The following TEX9 variants were observed in gnomAD, a reference collection of about 807,000 sequenced individuals.
The protein encoded by TEX9 is testis expressed 9, also known as testis-expressed protein 9.
Under a neutral mutation model 59.6 loss-of-function variants are expected in TEX9, and 74 were observed. The ratio of observed to expected loss-of-function variants is 1.24; its 90% confidence interval spans 1.03 to 1.51. The LOEUF (loss-of-function observed/expected upper bound fraction) is 1.51. TEX9 is among the 40% of genes most tolerant of loss of function. The pLI is 0.00. For missense variants in TEX9, 522 were observed against 447.8 expected (o/e 1.17, Z -1.49); for synonymous variants, 186 against 152.2 (o/e 1.22, Z -1.64).
At chr15:56,367,153 A>T (rs1484313681) in intron 2 of TEX9, among the ~76,000 whole-genome samples, 1 of 152,140 alleles carries the variant, frequency 6.6e-6, no homozygotes, top group African/African-American at 2.4e-5. Flanking sequence ...GTATTCTAGC[A>T]CGAGTTACTT....
intron 9 of TEX9, among the ~76,000 whole-genome samples, chr15:56,411,169 C>T (rs1387259426): frequency 6.6e-6 from 1 of 152,070 alleles, no homozygotes; most frequent in Non-Finnish European, 1.5e-5. Flanking sequence ...CTGGACTAGG[C>T]CTTACTTTGT....
intron 3 of TEX9, among the ~76,000 whole-genome samples, chr15:56,381,607 A>T (rs1232613178): frequency 6.6e-6 from 1 of 152,180 alleles, no homozygotes; most frequent in East Asian, 1.9e-4. Flanking sequence ...GTTTTTGCAG[A>T]CTTGTAGAGG....
intron 10 of TEX9, among the ~76,000 whole-genome samples, chr15:56,425,773 C>A (rs1051773697): frequency 6.6e-6 from 1 of 151,996 alleles, no homozygotes; most frequent in Non-Finnish European, 1.5e-5. Context: ...TTCCCTGTTT[C>A]TTTGAATGTC....
chr15:56,405,572 T>C (rs2049038776), intron 9 of TEX9, among the ~76,000 whole-genome samples: 1 of 152,240 alleles, frequency 6.6e-6, no homozygotes, highest in Non-Finnish European at 1.5e-5. Context: ...ATACACTGGC[T>C]ATCTGAAGGC....
Position 56,283,344 on chromosome 15 carries a change from ATATCT to A in TEX9, c.-107+39071_-107+39075del, listed in dbSNP as rs1180589357. On this transcript the variant is annotated intron_variant, in intron 1 of 5. Transcript: ENST00000560827. ...TTTCTAGAAGGAAAGCAATAAAATA[ATATCT>A]TATCAGATGGTATTCAAAAATATCT... 3.9e-5 allele frequency among the ~76,000 whole-genome samples: 6 copies of A among 152,292 alleles called. No homozygotes were observed. In the East Asian group the frequency reaches 5.8e-4, roughly 15 times the overall value.
At position 56,332,961 on chromosome 15, in the gene TEX9, T is replaced by C. The variant is rs564836551; in HGVS notation, c.-106-40480T>C. Among the ~76,000 whole-genome samples, 4 of 152,152 alleles carry C rather than the reference T, an allele frequency of 2.6e-5. No homozygotes were observed. In the South Asian group the frequency reaches 8.3e-4, roughly 32 times the overall value. On this transcript the variant is annotated intron_variant, in intron 1 of 5. Coordinates refer to the TEX9 transcript ENST00000560827. The stretch of plus-strand genomic sequence containing the variant: ...GCTAGATACATAAAACCTACCAAAA[T>C]TGAACCATGAAGAAATCCAAAACTT...
At chr15:56,320,118 C>T (rs570468438) in intron 1 of TEX9, among the ~76,000 whole-genome samples, 1 of 152,258 alleles carries the variant, frequency 6.6e-6, no homozygotes, top group South Asian at 2.1e-4. Flanking sequence ...TTTATTGCAA[C>T]ATCTTTTAAA....
intron 10 of TEX9, among the ~76,000 whole-genome samples, chr15:56,420,256 A>G (rs1403210937): frequency 2.0e-5 from 3 of 147,160 alleles, no homozygotes; most frequent in South Asian, 4.3e-4. Flanking sequence ...CTGCTCTTCT[A>G]TTTCTTTCCC....
At chr15:56,428,449 T>C (rs750002727) in exon 12 of TEX9, 1 of 1,601,278 alleles carries the variant, frequency 6.2e-7, no homozygotes, top group East Asian at 2.2e-5. Flanking sequence ...TCATAAGTGA[T>C]CTACTTCAGT....
downstream of TEX9, among the ~76,000 whole-genome samples, chr15:56,448,818 A>G (rs2050927269): frequency 2.3e-5 from 3 of 132,156 alleles, no homozygotes; most frequent in African/African-American, 8.8e-5. Context: ...CAGTGGTGTG[A>G]TCTCAGCTCA....
chr15:56,412,228 A>G, intron 9 of TEX9, 74 bp from the exon 10 acceptor site: 4 of 1,402,736 alleles, frequency 2.9e-6, no homozygotes, highest in Non-Finnish European at 2.9e-6. Context: ...ATGGATATGG[A>G]AGATACTGCA....
intron 12 of TEX9, chr15:56,428,718 A>G (rs2050449459): frequency 2.8e-6 from 1 of 360,362 alleles, no homozygotes; most frequent in Non-Finnish European, 5.0e-6. Flanking sequence ...AGACCAAAAA[A>G]GATGCTTTAA....
intron 1 of TEX9, among the ~76,000 whole-genome samples, chr15:56,317,530 A>C (rs1362632769): frequency 6.6e-6 from 1 of 151,912 alleles, no homozygotes; most frequent in African/African-American, 2.4e-5. Flanking sequence ...TGTTTTATGT[A>C]TTTCTACTCT....
At chr15:56,350,888 T>C (rs2046565513) in intron 1 of TEX9, among the ~76,000 whole-genome samples, 1 of 152,152 alleles carries the variant, frequency 6.6e-6, no homozygotes, top group South Asian at 2.1e-4. Flanking sequence ...ATGTGACATA[T>C]GATGAGTGCT....
chr15:56,363,726 T>G (rs911292285), upstream of TEX9, among the ~76,000 whole-genome samples: 19 of 152,028 alleles, frequency 1.2e-4, no homozygotes, highest in Non-Finnish European at 2.4e-4. Context: ...AGTGCAGTGG[T>G]GTGACCATGG....
At chr15:56,331,618 C>T (rs2046146513) in intron 1 of TEX9, among the ~76,000 whole-genome samples, 1 of 151,916 alleles carries the variant, frequency 6.6e-6, no homozygotes. Context: ...ATAATGGAAA[C>T]ACACCATGCC....
intron 1 of TEX9, among the ~76,000 whole-genome samples, chr15:56,313,653 G>A (rs2045681605): frequency 7.3e-6 from 1 of 136,260 alleles, no homozygotes; most frequent in South Asian, 2.5e-4. Context: ...TCAGAATGAT[G>A]CTGGCCTCAT....
At chr15:56,365,028 A>C (rs2046871001), upstream of TEX9, among the ~76,000 whole-genome samples, 1 of 152,214 alleles carries the variant, frequency 6.6e-6, no homozygotes, top group Non-Finnish European at 1.5e-5. Flanking sequence ...TGCTGTAAAC[A>C]AAAATTAGAA....
intron 9 of TEX9, among the ~76,000 whole-genome samples, chr15:56,407,512 A>T (rs1170481977): frequency 6.6e-6 from 1 of 152,122 alleles, no homozygotes; most frequent in Non-Finnish European, 1.5e-5. Flanking sequence ...TTCTTGTATT[A>T]TGTTTATTAT....
Sources: allele counts gnomAD v4.1 joint callset (sites outside exome capture counted in the v4.1 genomes callset), GRCh38; gene constraint gnomAD v4.1.1; transcripts MANE v1.5; gene names NCBI Gene and HGNC (gene_info 2026-07-23, HGNC 2026-07-21).